The following DCTN3 variants were observed in gnomAD, a reference collection of about 807,000 sequenced individuals.
DCTN3 encodes the protein dynactin 3 (p22).
In DCTN3, 25 loss-of-function variants were observed where a neutral mutation model predicts 28.4. That is an observed-to-expected ratio of 0.88 (90% CI 0.64 to 1.23). The LOEUF (loss-of-function observed/expected upper bound fraction) is 1.23. Ranked by LOEUF, DCTN3 falls within the 50% of genes most tolerant of loss-of-function variation. The pLI is 0.00. For missense variants in DCTN3, 229 were observed against 232.0 expected, an observed-to-expected ratio of 0.99 and a Z score of 0.08; for synonymous variants, 81 against 91.4, an observed-to-expected ratio of 0.89 and a Z score of 0.65.
chr9:34,616,094 G>A lies in DCTN3; in HGVS notation c.288C>T (p.Ser96=), dbSNP rs1820420396. The A allele has an allele frequency of 6.2e-7, 1 of 1,613,904 alleles. No individual in the cohort carries two copies. The highest frequency in any genetic ancestry group is 1.3e-5 in the African/African-American group (1 of 74,902). ...TCACCTGCTCCAGGAGTGCAACCTG[G>A]GAAAGGATAAACTGCTCCTCTAAAG... ...FILAEEQFIL[S]QVALLEQVNA... The change falls in exon 4 of 7, where the codon TCC becomes TCT. Residue 96 remains serine (S), a synonymous_variant. Transcript: ENST00000259632. This position sits in a 1 kb window ranked among gnomAD's most constrained non-coding sequence, Gnocchi z 4.7.
chr9:34,617,558 C>G (rs1820450491), intron 3 of DCTN3: 1 of 1,029,080 alleles, frequency 9.7e-7, no homozygotes, highest in Non-Finnish European at 1.3e-6. Flanking sequence ...GCTCTCTGCC[C>G]CTACCCTTTC....
In DCTN3 at chr9:34,620,438, C is replaced by T. The variant is rs908947675; in HGVS notation, c.27G>A (p.Arg9=). 1 of 1,556,918 alleles carries T rather than the reference C, an allele frequency of 6.4e-7. No homozygotes were observed. Among genetic ancestry groups the T allele is most frequent in the Non-Finnish European group, 8.7e-7 (1 of 1,151,006 alleles). MAGLTDLQ[R]LQARVEELER... The stretch of plus-strand genomic sequence containing the variant: ...CCAGCTCTTCCACTCGGGCCTGTAG[C>T]CGCTGCAAGTCAGTCAGACCCGCCA... Residue 9 remains arginine, a synonymous_variant, in exon 1 of 7, where the codon CGG becomes CGA. Coordinates refer to ENST00000259632, the MANE Select transcript of DCTN3 (RefSeq NM_007234.5).
At chr9:34,620,111 A>G (rs912790259) in intron 1 of DCTN3, among the ~76,000 whole-genome samples, 2 of 152,140 alleles carry the variant, frequency 1.3e-5, no homozygotes, top group Admixed American at 6.5e-5. Flanking sequence ...GGTCTCCCCA[A>G]CTATAGCTCG....
rs773939545 is a variant in DCTN3, at chr9:34,618,659, A to G, written c.181+17T>C. The G allele has an allele frequency of 1.1e-5, 18 of 1,609,370 alleles. No homozygotes were observed. Among genetic ancestry groups the G allele is most frequent in the Non-Finnish European group, 1.5e-5 (18 of 1,175,710 alleles). On this transcript the variant is annotated intron_variant, in intron 2 of 6. Transcript: ENST00000259632. ...GGTGGGATGTCGGGCAGGCAGGCAC[A>G]TCATGGAAGCACTTACTCTTTTTGT...
At position 34,614,021 on chromosome 9, in the gene DCTN3, CT is replaced by C; in HGVS notation, c.471+20del. 1 of 1,604,938 alleles carries C rather than the reference CT, an allele frequency of 6.2e-7. No individual in the cohort carries two copies. Among genetic ancestry groups the C allele is most frequent in the South Asian group, 1.1e-5 (1 of 90,584 alleles). ...CTTAGGGACAGCACCCATTAGGGTC[CT>C]AGTTGAGCAGAAAGGATACAGTCTT... is the stretch of plus-strand genomic sequence containing the variant. On this transcript the variant is annotated intron_variant, in intron 6 of 6. Transcript: ENST00000259632.
intron 5 of DCTN3, 137 bp downstream of exon 5, chr9:34,614,573 C>T: frequency 3.1e-6 from 3 of 966,088 alleles, no homozygotes; most frequent in Non-Finnish European, 4.7e-6. Context: ...GGGGCATATG[C>T]AAGATAAAGG....
Position 34,613,609 on chromosome 9 carries a change from T to C in DCTN3, c.*173A>G, listed in dbSNP as rs1820351903. ...ACACTGATTGGGGGGAGGGTGGGTG[T>C]TGCAAATTGCAAACCTCAGGTAACC... On this transcript the variant is annotated 3_prime_UTR_variant, in exon 7 of 7. Coordinates refer to ENST00000259632, the MANE Select transcript of DCTN3 (RefSeq NM_007234.5). The C allele has an allele frequency of 1.1e-5, 7 of 664,868 alleles. No individual in the cohort carries two copies. Among genetic ancestry groups the C allele is most frequent in the Non-Finnish European group, 1.7e-5 (7 of 421,724 alleles). The allele number at this position is 664,868 out of a possible 1,614,324, so 41.2% of individuals were successfully genotyped here. A position where few individuals can be genotyped will look rare whatever the true frequency, so the allele number is the denominator to read the frequency against.
In DCTN3 at chr9:34,614,590, C is replaced by T. The variant is rs575293377; in HGVS notation, c.411+120G>A. 2,150 of 1,187,598 alleles carry T rather than the reference C, an allele frequency of 1.8e-3. 42 individuals are homozygous for T. The South Asian group carries it at 0.026, about 15-fold the overall frequency. 73.6% of individuals were successfully genotyped at this position (1,187,598 alleles called of 1,614,324 possible). A position where few individuals can be genotyped will look rare whatever the true frequency, so the allele number is the denominator to read the frequency against. On this transcript the variant is annotated intron_variant, in intron 5 of 6. Transcript: ENST00000259632. Reference sequence around the variant, plus strand: ...GGCATATGCAAGATAAAGGATAAACCCCAAAGTTTCTGCTGAGGTTACAAC... The same window carrying T: ...GGCATATGCAAGATAAAGGATAAACTCCAAAGTTTCTGCTGAGGTTACAAC...
chr9:34,616,118 A>G lies in DCTN3; in HGVS notation c.269-5T>C. 1 of 1,613,600 alleles carries G rather than the reference A, an allele frequency of 6.2e-7. No homozygotes were observed. Among genetic ancestry groups the G allele is most frequent in the Non-Finnish European group, 8.5e-7 (1 of 1,179,562 alleles). The stretch of plus-strand genomic sequence containing the variant: ...GGGAAAGGATAAACTGCTCCTCTAA[A>G]GCAAAAATGGACAAGATAGTTGCAG... On this transcript the variant is annotated splice_region_variant and splice_polypyrimidine_tract_variant and intron_variant, in intron 3 of 6. Transcript: ENST00000259632. The surrounding 1 kb of genome is among the most constrained non-coding windows in gnomAD (Gnocchi z 4.7).
intron 4 of DCTN3, 112 bp downstream of exon 4, chr9:34,615,917 AT>A: frequency 4.3e-6 from 3 of 691,770 alleles, no homozygotes; most frequent in Non-Finnish European, 7.0e-6. Flanking sequence ...AAAAAAAAAG[AT>A]AAGGAACAGA....
In DCTN3 at chr9:34,620,486, G is replaced by A. The variant is rs1277760773; in HGVS notation, c.-22C>T. 1 of 1,545,752 alleles carries A rather than the reference G, an allele frequency of 6.5e-7. No homozygotes were observed. The highest frequency in any genetic ancestry group is 8.7e-7 in the Non-Finnish European group (1 of 1,145,456). Reference sequence around the variant, plus strand: ...CCATCGCTACTACCGACCCACCTCGGCCAGGAAACAGCCAGAGGGCGGGAC... The same window carrying A: ...CCATCGCTACTACCGACCCACCTCGACCAGGAAACAGCCAGAGGGCGGGAC... On this transcript the variant is annotated 5_prime_UTR_variant, in exon 1 of 7. Coordinates refer to ENST00000259632, the MANE Select transcript of DCTN3 (RefSeq NM_007234.5).
intron 1 of DCTN3, among the ~76,000 whole-genome samples, chr9:34,619,977 G>A (rs773286827): frequency 5.3e-5 from 8 of 152,092 alleles, no homozygotes; most frequent in Non-Finnish European, 7.3e-5. Flanking sequence ...GCCTCCCCAG[G>A]GGTCCCATGG....
Position 34,613,910 on chromosome 9 carries a change from G to C in DCTN3, c.472-39C>G, listed in dbSNP as rs528971296. 8.1e-6 allele frequency: 13 copies of C among 1,613,888 alleles called. No individual in the cohort carries two copies. In the South Asian group the frequency reaches 9.9e-5, roughly 12 times the overall value. ...AAGGTGAGAATAGGAATCTGAGTGA[G>C]GAAGTTCATGGAAAGTGGGGAACAG... On this transcript the variant is annotated intron_variant, in intron 6 of 6. Coordinates refer to ENST00000259632, the MANE Select transcript of DCTN3 (RefSeq NM_007234.5).
intron 5 of DCTN3, 129 bp from the exon 6 acceptor site, chr9:34,614,230 A>G (rs1246147453): frequency 6.3e-7 from 1 of 1,581,264 alleles, no homozygotes. Flanking sequence ...CCCAAAGCCA[A>G]AGGAGCAAAT....
At chr9:34,614,960 A>AG (rs2132299443) in intron 4 of DCTN3, 192 bp from the exon 5 acceptor site, 3 of 628,150 alleles carry the variant, frequency 4.8e-6, no homozygotes, top group Non-Finnish European at 8.2e-6. Context: ...CAGGACCCAT[A>AG]GGGGAGGGGA....
chr9:34,620,395 G>A lies in DCTN3; in HGVS notation c.70C>T (p.Pro24Ser). 1 of 1,597,520 alleles carries A rather than the reference G, an allele frequency of 6.3e-7. No homozygotes were observed. The highest frequency in any genetic ancestry group is 8.5e-7 in the Non-Finnish European group (1 of 1,172,790). ...TTCCGTGAGCCGCGCGCCCCGCCCGGCCCGTACACCCAGCGCTCCAGCTCT... is the reference window on the plus strand; with the variant it reads ...TTCCGTGAGCCGCGCGCCCCGCCCGACCCGTACACCCAGCGCTCCAGCTCT... ...VEELERWVYG[P>S]GGARGSRKVA... Residue 24 changes from proline to serine, a missense_variant, in exon 1 of 7, where the codon CCG becomes TCG. Pro to Ser is a moderately conservative substitution (Grantham distance 74). Coordinates refer to ENST00000259632, the MANE Select transcript of DCTN3 (RefSeq NM_007234.5).
chr9:34,620,274 G>A (rs763630077), intron 1 of DCTN3, 95 bp downstream of exon 1: 99 of 1,072,362 alleles, frequency 9.2e-5, no homozygotes, highest in Non-Finnish European at 1.2e-4. Context: ...GCCGGGCTGC[G>A]GAGAACAGGA....
At chr9:34,618,535 G>T (rs182934094) in intron 2 of DCTN3, 141 bp downstream of exon 2, 2 of 683,480 alleles carry the variant, frequency 2.9e-6, no homozygotes, top group African/African-American at 1.8e-5. Context: ...CAATTGAATT[G>T]GGTGTAGGTA....
At chr9:34,614,846 G>T in intron 4 of DCTN3, 78 bp from the exon 5 acceptor site, 1 of 1,562,102 alleles carries the variant, frequency 6.4e-7, no homozygotes. Flanking sequence ...TAGGTCTTTG[G>T]CAGGATTAGA....
Sources: gnomAD v4.1 joint callset for allele counts (sites outside exome capture counted in the v4.1 genomes callset) on GRCh38, gnomAD v4.1.1 for gene constraint, Gnocchi (gnomAD v3.1) non-coding constraint, MANE v1.5 for transcripts, NCBI Gene and HGNC (gene_info 2026-07-23, HGNC 2026-07-21) for gene names.